Variants in CTNS observed in about 807,000 individuals in gnomAD.
CTNS encodes cystinosin.
Under a neutral mutation model 43.7 loss-of-function variants are expected in CTNS, and 27 were observed. The observed-to-expected ratio is 0.62, with a 90% CI of 0.46 to 0.85. CTNS has a LOEUF of 0.85. Ranked by LOEUF, CTNS falls within the 40% of genes least tolerant of loss-of-function variation. CTNS has a pLI of 0.00. For synonymous variants in CTNS, 187 were observed against 190.6 expected (o/e 0.98, Z 0.16); for missense variants, 457 against 475.4 (o/e 0.96, Z 0.36).
chr17:3,653,329 C>A (rs145003819), intron 5 of CTNS, among the ~76,000 whole-genome samples: 1 of 152,208 alleles, frequency 6.6e-6, no homozygotes, highest in Non-Finnish European at 1.5e-5. Flanking sequence ...AGGAGAATCA[C>A]TTGAACCCTG....
At chr17:3,636,525 C>T (rs2075533425), upstream of CTNS, 1 of 364,768 alleles carries the variant, frequency 2.7e-6, no homozygotes, top group Non-Finnish European at 5.0e-6. Flanking sequence ...CCGGGAGGCG[C>T]TGGCGGCTCC....
intron 5 of CTNS, among the ~76,000 whole-genome samples, chr17:3,654,135 T>TGG (rs2076061098): frequency 1.3e-5 from 2 of 152,170 alleles, no homozygotes; most frequent in Non-Finnish European, 2.9e-5. Flanking sequence ...TATTGTAGTA[T>TGG]AGCAGTGGCC....
Position 3,659,792 on chromosome 17 carries a change from G to A in CTNS, c.853-66G>A, listed in dbSNP as rs866656231. The A allele has an allele frequency of 2.0e-4, 230 of 1,157,412 alleles. 1 individual carries two copies. In the Middle Eastern group the frequency reaches 4.6e-3, roughly 23 times the overall value. 71.7% of individuals were successfully genotyped at this position (1,157,412 alleles called of 1,614,324 possible). A position where few individuals can be genotyped will look rare whatever the true frequency, so the allele number is the denominator to read the frequency against. Reference sequence around the variant, plus strand: ...CGCTTTTGTTTGGAGGGGCAGTCACGAGGCGCATGAGGCAGCCGCCCAGCC... The same window carrying A: ...CGCTTTTGTTTGGAGGGGCAGTCACAAGGCGCATGAGGCAGCCGCCCAGCC... On this transcript the variant is annotated intron_variant, in intron 10 of 11. Coordinates refer to ENST00000046640, the MANE Select transcript of CTNS (RefSeq NM_004937.3).
intron 10 of CTNS, 49 bp from the exon 11 acceptor site, chr17:3,659,809 C>T (rs575844401): frequency 2.8e-5 from 40 of 1,426,366 alleles, no homozygotes; most frequent in South Asian, 1.8e-4. Context: ...ATGAGGCAGC[C>T]GCCCAGCCCT....
chr17:3,645,257 T>C (rs2075817573), intron 3 of CTNS, among the ~76,000 whole-genome samples: 1 of 152,226 alleles, frequency 6.6e-6, no homozygotes, highest in South Asian at 2.1e-4. Flanking sequence ...TTTGCCGCTC[T>C]GAGCACCTTG....
intron 2 of CTNS, among the ~76,000 whole-genome samples, chr17:3,639,768 G>A (rs2075639334): frequency 6.6e-6 from 1 of 152,074 alleles, no homozygotes; most frequent in Admixed American, 6.6e-5. Flanking sequence ...TCCCAGGACA[G>A]GAAAGGAAAT....
rs1002308994 is a variant in CTNS at position 3,662,525 on chromosome 17, A to G, written c.*2156A>G. 6.6e-6 allele frequency among the ~76,000 whole-genome samples: 1 copy of G among 152,088 alleles called. No individual in the cohort carries two copies. Among genetic ancestry groups the G allele is most frequent in the African/African-American group, 2.4e-5 (1 of 41,410 alleles). On this transcript the variant is annotated 3_prime_UTR_variant, in exon 12 of 12. Transcript: ENST00000046640. ...TGCCCTTATAGGCAGGGAGTCTTAT[A>G]GGCAGGGGTCTCTCCCAGGCACCTC...
chr17:3,658,845 G>A (rs1034568439), intron 10 of CTNS, among the ~76,000 whole-genome samples: 6 of 152,200 alleles, frequency 3.9e-5, no homozygotes, highest in Admixed American at 6.5e-5. Context: ...GAGCCCGGGC[G>A]TTCCGGGCCA....
rs2076300083 is a variant in CTNS at position 3,663,093 on chromosome 17, AGTT to A, written c.*2725_*2727del. 1 of 152,252 alleles carries A rather than the reference AGTT, an allele frequency of 6.6e-6. No individual in the cohort carries two copies. Among genetic ancestry groups the A allele is most frequent in the Non-Finnish European group, 1.5e-5 (1 of 68,044 alleles). 9.4% of individuals were successfully genotyped at this position (152,252 alleles called of 1,614,324 possible). ...AAACTTGTGATTAAAAAAATACAAA[AGTT>A]AAACCCACAGGCAAAGAGGAAAATG... On this transcript the variant is annotated 3_prime_UTR_variant, in exon 12 of 12. Transcript: ENST00000046640.
intron 9 of CTNS, chr17:3,657,644 C>G (rs747958515): frequency 8.4e-6 from 3 of 357,568 alleles, no homozygotes; most frequent in African/African-American, 6.2e-5. Context: ...GGAGAGGCAC[C>G]AGGCCACCAG....
chr17:3,646,519 C>A (rs1448181369), intron 3 of CTNS, among the ~76,000 whole-genome samples: 2 of 152,142 alleles, frequency 1.3e-5, no homozygotes, highest in African/African-American at 4.8e-5. Flanking sequence ...GATCCTCTGA[C>A]CTCGTGATCC....
At chr17:3,654,088 A>C (rs431416) in intron 5 of CTNS, among the ~76,000 whole-genome samples, 1 of 152,070 alleles carries the variant, frequency 6.6e-6, no homozygotes, top group Non-Finnish European at 1.5e-5. Context: ...TTTGTGGACA[A>C]GGAGGAGCCC....
At chr17:3,656,850 C>T (rs1364942658) in intron 9 of CTNS, 55 bp downstream of exon 9, 2 of 1,609,868 alleles carry the variant, frequency 1.2e-6, no homozygotes, top group Non-Finnish European at 1.7e-6. Flanking sequence ...CGCCACCCCA[C>T]CTCACCTTTG....
intron 9 of CTNS, chr17:3,657,643 C>A (rs555754351): frequency 2.8e-6 from 1 of 356,828 alleles, no homozygotes; most frequent in Non-Finnish European, 5.3e-6. Context: ...GGGAGAGGCA[C>A]CAGGCCACCA....
In CTNS at chr17:3,655,104, A is replaced by C. The variant is rs1328093130; in HGVS notation, c.329+3A>C. 10 of 1,613,890 alleles carry C rather than the reference A, an allele frequency of 6.2e-6. No homozygotes were observed. The highest frequency in any genetic ancestry group is 7.6e-6 in the Non-Finnish European group (9 of 1,179,732). The stretch of plus-strand genomic sequence containing the variant: ...GGAAATCACTCCAATCAGACCGGGT[A>C]GGCTGGCCTCAGGGTGTGCGGGCCT... On this transcript the variant is annotated splice_donor_region_variant and intron_variant, in intron 6 of 11. Coordinates refer to ENST00000046640, the MANE Select transcript of CTNS (RefSeq NM_004937.3).
intron 4 of CTNS, among the ~76,000 whole-genome samples, chr17:3,648,242 C>T (rs1231970775): frequency 1.1e-4 from 16 of 152,222 alleles, no homozygotes; most frequent in Admixed American, 1.0e-3. Context: ...ATTCCGCTCC[C>T]AGCTCCTTCT....
At chr17:3,638,162 G>A (rs2075584871) in intron 2 of CTNS, among the ~76,000 whole-genome samples, 1 of 152,136 alleles carries the variant, frequency 6.6e-6, no homozygotes. Flanking sequence ...CCCATTGTCA[G>A]GAGATACTTC....
chr17:3,655,358 C>T lies in CTNS; in HGVS notation c.461+6C>T. On this transcript the variant is annotated splice_donor_region_variant and intron_variant, in intron 7 of 11. Transcript: ENST00000046640. ...ATGAATTGGAGGCGGAAAAGGTAAC[C>T]CCCTGGGCCGTATGTGCAGGCTCTC... is the stretch of plus-strand genomic sequence containing the variant. 2 of 1,613,950 alleles carry T rather than the reference C, an allele frequency of 1.2e-6. No individual in the cohort carries two copies. Among genetic ancestry groups the T allele is most frequent in the Non-Finnish European group, 1.7e-6 (2 of 1,180,006 alleles).
chr17:3,662,503 C>T lies in CTNS; in HGVS notation c.*2134C>T, dbSNP rs2076291584. On this transcript the variant is annotated 3_prime_UTR_variant, in exon 12 of 12. Coordinates refer to ENST00000046640, the MANE Select transcript of CTNS (RefSeq NM_004937.3). ...TCCCTCGCTGGGATACACGGAGTGC[C>T]CTTATAGGCAGGGAGTCTTATAGGC... Among the ~76,000 whole-genome samples, 2 of 152,046 alleles carry T rather than the reference C, an allele frequency of 1.3e-5. No individual in the cohort carries two copies. The highest frequency in any genetic ancestry group is 2.9e-5 in the Non-Finnish European group (2 of 67,994).
Sources: allele counts gnomAD v4.1 joint callset (sites outside exome capture counted in the v4.1 genomes callset), GRCh38; gene constraint gnomAD v4.1.1; transcripts MANE v1.5; gene names NCBI Gene and HGNC (gene_info 2026-07-23, HGNC 2026-07-21).